The following FOXP1 variants were observed in gnomAD, a reference collection of about 807,000 sequenced individuals.
FOXP1 encodes the protein forkhead box P1, also known as forkhead box protein P1.
Under a neutral mutation model 98.2 loss-of-function variants are expected in FOXP1, and 15 were observed. That is an observed-to-expected ratio of 0.15 (90% CI 0.10 to 0.24). The LOEUF (loss-of-function observed/expected upper bound fraction) is 0.24. FOXP1 is among the 10% of genes least tolerant of loss of function. The probability of loss-of-function intolerance (pLI) is 1.00; values close to 1 mark genes in which losing one functional copy is unlikely to be tolerated. For missense variants in FOXP1, 633 were observed against 848.5 expected (o/e 0.75, Z 3.15); for synonymous variants, 371 against 314.5 (o/e 1.18, Z -1.90).
At chr3:71,063,801 A>G (rs2051896790) in intron 7 of FOXP1, among the ~76,000 whole-genome samples, 1 of 152,200 alleles carries the variant, frequency 6.6e-6, no homozygotes, top group African/African-American at 2.4e-5. Context: ...CAAAAATATA[A>G]AATTACTAGA....
chr3:71,181,951 C>T (rs112923119), intron 6 of FOXP1, among the ~76,000 whole-genome samples: 2,084 of 150,604 alleles, frequency 0.014, 48 homozygotes, highest in African/African-American at 0.048. Flanking sequence ...AGGAGAATGG[C>T]GTGAACCTGG....
At chr3:71,195,145 G>C (rs1245903579) in intron 6 of FOXP1, among the ~76,000 whole-genome samples, 2 of 152,152 alleles carry the variant, frequency 1.3e-5, no homozygotes, top group African/African-American at 4.8e-5. Context: ...AAAGAAGATG[G>C]AAAAGCCAGA....
chr3:70,984,038 G>GT (rs1347047684), intron 14 of FOXP1, among the ~76,000 whole-genome samples: 2 of 152,110 alleles, frequency 1.3e-5, no homozygotes, highest in Admixed American at 1.3e-4. Context: ...ACTATTGTTT[G>GT]TTTTTGCTTT....
At chr3:71,204,141 T>C (rs994212712) in intron 5 of FOXP1, among the ~76,000 whole-genome samples, 6 of 152,330 alleles carry the variant, frequency 3.9e-5, no homozygotes, top group Admixed American at 3.3e-4. Context: ...AGAGAGGTAC[T>C]TTTAAAATTA....
chr3:71,416,588 A>G (rs201502376), intron 3 of FOXP1, among the ~76,000 whole-genome samples: 105 of 147,734 alleles, frequency 7.1e-4, no homozygotes, highest in African/African-American at 7.3e-4. Flanking sequence ...ACACACACAC[A>G]CACACGCAAA....
At chr3:70,973,750 T>C (rs2036857162) in intron 17 of FOXP1, among the ~76,000 whole-genome samples, 1 of 151,824 alleles carries the variant, frequency 6.6e-6, no homozygotes, top group Admixed American at 6.6e-5. Flanking sequence ...CAATTGGGGC[T>C]TGAGAAGTTG....
chr3:71,411,777 C>G (rs2082768401), intron 3 of FOXP1, among the ~76,000 whole-genome samples: 2 of 152,200 alleles, frequency 1.3e-5, no homozygotes, highest in South Asian at 4.1e-4. Context: ...AGGGAAACCT[C>G]AGTTCCAATA....
chr3:70,970,921 C>T, intron 18 of FOXP1, 116 bp from the exon 19 acceptor site: 1 of 794,212 alleles, frequency 1.3e-6, no homozygotes, highest in Non-Finnish European at 2.2e-6. Flanking sequence ...CCCCCACTAG[C>T]AAAACCCAAG....
intron 3 of FOXP1, among the ~76,000 whole-genome samples, chr3:71,403,481 TGTGA>T (rs1252915103): frequency 2.0e-5 from 3 of 152,204 alleles, no homozygotes; most frequent in Non-Finnish European, 2.9e-5. Context: ...GTGAGAGGTG[TGTGA>T]GTGTGTGTGC....
rs1238957255 is a variant in FOXP1, at chr3:70,958,412, G to C, written c.*835C>G. On this transcript the variant is annotated 3_prime_UTR_variant, in exon 21 of 21. Transcript: ENST00000649528. ...CAGCATTTGGGACCTTTTTGAAAAA[G>C]ACCAAAACGGAATGTTTTCTGACTT... 2.1e-6 allele frequency: 1 copy of C among 471,984 alleles called. No individual in the cohort carries two copies. Among genetic ancestry groups the C allele is most frequent in the Non-Finnish European group, 4.1e-6 (1 of 243,608 alleles). 29.2% of individuals were successfully genotyped at this position (471,984 alleles called of 1,614,324 possible).
intron 4 of FOXP1, among the ~76,000 whole-genome samples, chr3:71,349,819 A>G (rs779236615): frequency 4.6e-5 from 7 of 152,192 alleles, no homozygotes; most frequent in Non-Finnish European, 1.0e-4. Flanking sequence ...TTGGTGTTTC[A>G]CATGCTCCAG....
intron 7 of FOXP1, among the ~76,000 whole-genome samples, chr3:71,056,013 G>GC (rs1445764910): frequency 6.6e-6 from 1 of 152,114 alleles, no homozygotes; most frequent in Admixed American, 6.5e-5. Flanking sequence ...TTTTAAAAGA[G>GC]CTATAGAAAC....
rs577401457 is a variant in FOXP1 at position 71,167,427 on chromosome 3, G to A, written c.180+30775C>T. Among the ~76,000 whole-genome samples the A allele has an allele frequency of 8.9e-4, 135 of 152,288 alleles. 1 individual carries two copies. Among genetic ancestry groups the A allele is most frequent in the Non-Finnish European group, 1.6e-3 (111 of 68,020 alleles). On this transcript the variant is annotated intron_variant, in intron 6 of 20. Coordinates refer to ENST00000649528, the MANE Select transcript of FOXP1 (RefSeq NM_001349338.3). ...CTTTAATAACAGGGCAGTATTTAAA[G>A]CGTAAGAGAGCACGTGTGAATTTTC...
intron 3 of FOXP1, among the ~76,000 whole-genome samples, chr3:71,370,543 AC>A (rs2079222678): frequency 2.0e-5 from 3 of 152,194 alleles, no homozygotes; most frequent in Non-Finnish European, 4.4e-5. Context: ...AGGAAAGGGC[AC>A]TAGAACAGAG....
Position 71,406,403 on chromosome 3 carries a change from G to GTATATATATA in FOXP1, c.-167-47160_-167-47159insTATATATATA, listed in dbSNP as rs112681983. On this transcript the variant is annotated intron_variant, in intron 3 of 20. Transcript: ENST00000649528. ...TTTAATTGACACATAATAACTGTAT[G>GTATATATATA]TGTATATATATATATATATATGGTA... Among the ~76,000 whole-genome samples, 142 of 107,956 alleles carry GTATATATATA rather than the reference G, an allele frequency of 1.3e-3. 11 individuals carry two copies. The highest frequency in any genetic ancestry group is 2.9e-3 in the African/African-American group (93 of 32,258). 70.8% of individuals were successfully genotyped at this position (107,956 alleles called of 152,430 possible).
At chr3:71,048,046 C>T (rs1348480741) in intron 9 of FOXP1, among the ~76,000 whole-genome samples, 1 of 151,984 alleles carries the variant, frequency 6.6e-6, no homozygotes, top group Non-Finnish European at 1.5e-5. Context: ...ATCTAATATC[C>T]TTAATCTGCT....
intron 19 of FOXP1, 126 bp downstream of exon 19, chr3:70,970,610 G>C (rs2036008775): frequency 1.2e-6 from 1 of 837,366 alleles, no homozygotes. Context: ...GATGCTTTGT[G>C]CACTTAAGAA....
chr3:71,535,178 G>A (rs1049456910), intron 2 of FOXP1, among the ~76,000 whole-genome samples: 2 of 152,152 alleles, frequency 1.3e-5, no homozygotes, highest in African/African-American at 2.4e-5. Flanking sequence ...CCACAAACCA[G>A]GTGCATCTGG....
chr3:71,414,839 A>G (rs1446775012), intron 3 of FOXP1, among the ~76,000 whole-genome samples: 2 of 152,250 alleles, frequency 1.3e-5, no homozygotes, highest in African/African-American at 4.8e-5. Context: ...ATTTTTAAAT[A>G]GCACTCGCTG....
Sources: gnomAD v4.1 joint callset for allele counts (sites outside exome capture counted in the v4.1 genomes callset) on GRCh38, gnomAD v4.1.1 for gene constraint, MANE v1.5 for transcripts, NCBI Gene and HGNC (gene_info 2026-07-23, HGNC 2026-07-21) for gene names.